The following FAM227B variants were observed in gnomAD, a reference collection of about 807,000 sequenced individuals.
The protein encoded by FAM227B is family with sequence similarity 227 member B.
Under a neutral mutation model 73.8 loss-of-function variants are expected in FAM227B, and 88 were observed. That is an observed-to-expected ratio of 1.19 (90% CI 1.00 to 1.42). The LOEUF is 1.42. FAM227B is among the 40% of genes most tolerant of loss of function. FAM227B has a pLI of 0.00. For synonymous variants in FAM227B, 210 were observed against 190.5 expected, an observed-to-expected ratio of 1.10 and a Z score of -0.84; for missense variants, 632 against 590.9, an observed-to-expected ratio of 1.07 and a Z score of -0.72.
chr15:49,512,580 A>T (rs907768172), intron 10 of FAM227B, among the ~76,000 whole-genome samples: 1 of 151,940 alleles, frequency 6.6e-6, no homozygotes, highest in Non-Finnish European at 1.5e-5. Context: ...TATTTTTTTA[A>T]TTATTTATTT....
chr15:49,595,617 T>C (rs571850696), intron 3 of FAM227B, among the ~76,000 whole-genome samples: 106 of 151,982 alleles, frequency 7.0e-4, no homozygotes, highest in African/African-American at 2.5e-3. Flanking sequence ...ATGTCCCTTC[T>C]ATGTTGATTT....
chr15:49,469,150 A>C (rs1436397494), intron 11 of FAM227B, among the ~76,000 whole-genome samples: 2 of 152,186 alleles, frequency 1.3e-5, no homozygotes, highest in Non-Finnish European at 2.9e-5. Flanking sequence ...GAATGAAATA[A>C]ATGTAAAATG....
At chr15:49,577,006 A>G (rs1378509747) in intron 6 of FAM227B, among the ~76,000 whole-genome samples, 161 bp from the exon 7 acceptor site, 1 of 152,204 alleles carries the variant, frequency 6.6e-6, no homozygotes, top group Non-Finnish European at 1.5e-5. Context: ...CCATCTAAGA[A>G]AAACCTTTGG....
At chr15:49,526,988 A>G (rs2060251451) in intron 10 of FAM227B, among the ~76,000 whole-genome samples, 1 of 152,016 alleles carries the variant, frequency 6.6e-6, no homozygotes, top group Non-Finnish European at 1.5e-5. Context: ...AATCTTATTG[A>G]AACTACTCCA....
intron 6 of FAM227B, 61 bp from the exon 7 acceptor site, chr15:49,576,906 C>A (rs2075481064): frequency 1.1e-6 from 1 of 879,844 alleles, no homozygotes; most frequent in South Asian, 1.6e-5. Flanking sequence ...ATAGTAGACT[C>A]ATATAACTAC....
At chr15:49,409,952 C>T (rs1427168499) in intron 11 of FAM227B, among the ~76,000 whole-genome samples, 9 of 152,096 alleles carry the variant, frequency 5.9e-5, no homozygotes, top group Non-Finnish European at 1.3e-4. Context: ...CTGTATTCAT[C>T]TCTGCTTTTA....
At chr15:49,345,368 CATG>C (rs75715108) in intron 13 of FAM227B, among the ~76,000 whole-genome samples, 8,435 of 152,218 alleles carry the variant, frequency 0.055, 334 homozygotes, top group Middle Eastern at 0.095. Context: ...TGCTGGGCTG[CATG>C]ATGTTGGTGT....
intron 11 of FAM227B, among the ~76,000 whole-genome samples, chr15:49,407,697 A>G (rs1205396119): frequency 6.7e-6 from 1 of 148,764 alleles, no homozygotes; most frequent in African/African-American, 2.4e-5. Context: ...TATAATATGT[A>G]TTTATATATG....
intron 11 of FAM227B, among the ~76,000 whole-genome samples, chr15:49,477,301 C>T (rs1353925704): frequency 4.6e-5 from 7 of 152,186 alleles, no homozygotes; most frequent in African/African-American, 1.7e-4. Flanking sequence ...AATAGTTTCA[C>T]TGATTTAAAA....
chr15:49,401,336 A>G (rs1249975381), intron 11 of FAM227B, among the ~76,000 whole-genome samples: 1 of 152,254 alleles, frequency 6.6e-6, no homozygotes, highest in Non-Finnish European at 1.5e-5. Flanking sequence ...GCAATCATTA[A>G]AAAGTCAGGA....
At chr15:49,396,325 A>G (rs1225759743) in intron 11 of FAM227B, 39 of 377,992 alleles carry the variant, frequency 1.0e-4, no homozygotes, top group South Asian at 3.3e-4. Context: ...ATTATATCCC[A>G]CACCTGGCTC....
At chr15:49,477,831 G>A (rs1393974102) in intron 11 of FAM227B, among the ~76,000 whole-genome samples, 1 of 152,204 alleles carries the variant, frequency 6.6e-6, no homozygotes, top group Non-Finnish European at 1.5e-5. Context: ...ATCCTTGCCA[G>A]CATACAGCAC....
intron 11 of FAM227B, chr15:49,487,604 C>A (rs2056509513): frequency 6.6e-6 from 1 of 151,802 alleles, no homozygotes; most frequent in South Asian, 2.1e-4. Context: ...GGGGACCTAG[C>A]TGTAGTAAAA....
chr15:49,328,680 GA>G lies in FAM227B; in HGVS notation c.1420-6del. On this transcript the variant is annotated splice_polypyrimidine_tract_variant and splice_region_variant and intron_variant, in intron 15 of 15. Transcript: ENST00000299338. ...CTCAATTTCAGCTTCGGAACGCTAT[GA>G]AAATAATACATGATTAAAGTTTCAC... 6.4e-7 allele frequency: 1 copy of G among 1,553,026 alleles called. No homozygotes were observed. The highest frequency in any genetic ancestry group is 1.2e-5 in the South Asian group (1 of 84,340).
rs867528286 is a variant in FAM227B, at chr15:49,328,092, C to T, written c.*476G>A. ...TACCAGAGGAGTGATGGAAGCTTAG[C>T]ACCGGAGAAGCAAAGTTTGTTTGCT... On this transcript the variant is annotated 3_prime_UTR_variant, in exon 16 of 16. Transcript: ENST00000299338. The T allele has an allele frequency of 6.2e-7, 1 of 1,613,948 alleles. No homozygotes were observed. Among genetic ancestry groups the T allele is most frequent in the Non-Finnish European group, 8.5e-7 (1 of 1,179,988 alleles).
intron 10 of FAM227B, among the ~76,000 whole-genome samples, chr15:49,532,732 C>G (rs1210996650): frequency 6.6e-6 from 1 of 151,650 alleles, no homozygotes; most frequent in South Asian, 2.1e-4. Context: ...ATCAGAACAA[C>G]TTTACAAAGT....
At chr15:49,533,001 T>G (rs2060724316) in intron 10 of FAM227B, among the ~76,000 whole-genome samples, 1 of 151,978 alleles carries the variant, frequency 6.6e-6, no homozygotes, top group Non-Finnish European at 1.5e-5. Context: ...CAGTTTGTGG[T>G]GCACATTTTT....
intron 3 of FAM227B, among the ~76,000 whole-genome samples, chr15:49,601,916 T>G (rs1303545452): frequency 6.6e-6 from 1 of 152,234 alleles, no homozygotes; most frequent in Non-Finnish European, 1.5e-5. Context: ...TGTGCCTGGC[T>G]TATTTCACTC....
intron 11 of FAM227B, among the ~76,000 whole-genome samples, chr15:49,448,870 C>T (rs2151874059): frequency 6.6e-6 from 1 of 151,874 alleles, no homozygotes; most frequent in African/African-American, 2.4e-5. Flanking sequence ...GCAGTCGATT[C>T]CAATATTATA....
Sources: allele counts gnomAD v4.1 joint callset (sites outside exome capture counted in the v4.1 genomes callset), GRCh38; gene constraint gnomAD v4.1.1; transcripts MANE v1.5; gene names NCBI Gene and HGNC (gene_info 2026-07-23, HGNC 2026-07-21).